The following FN3K variants were observed in gnomAD, a reference collection of about 807,000 sequenced individuals.
FN3K encodes fructosamine-3-kinase.
A neutral mutation model predicts 24.8 loss-of-function variants in FN3K; 24 were observed. The ratio of observed to expected loss-of-function variants is 0.97; its 90% CI spans 0.70 to 1.36. FN3K has a LOEUF of 1.36. Among genes scored for constraint, FN3K ranks in the 40% most tolerant of loss-of-function variants. The pLI is 0.00. For missense variants in FN3K, 449 were observed against 416.7 expected (o/e 1.08, Z -0.67); for synonymous variants, 192 against 175.2 (o/e 1.10, Z -0.76).
At chr17:82,744,745 G>C (rs1179527292) in intron 4 of FN3K, among the ~76,000 whole-genome samples, 2 of 152,158 alleles carry the variant, frequency 1.3e-5, no homozygotes, top group Non-Finnish European at 2.9e-5. Flanking sequence ...GGATGTGTCA[G>C]GGTCACAAGA....
intron 1 of FN3K, 107 bp downstream of exon 1, chr17:82,735,884 C>T: frequency 6.9e-7 from 1 of 1,449,858 alleles, no homozygotes; most frequent in Non-Finnish European, 9.3e-7. Context: ...GGGGAGGGGT[C>T]AGCTTTGGCC....
chr17:82,748,036 A>G (rs1249409569), intron 4 of FN3K, among the ~76,000 whole-genome samples: 3 of 152,104 alleles, frequency 2.0e-5, no homozygotes, highest in Non-Finnish European at 4.4e-5. Context: ...GTAGGCATTT[A>G]GGATTATTAT....
chr17:82,740,548 T>C (rs1360132140), intron 2 of FN3K, among the ~76,000 whole-genome samples: 1 of 151,774 alleles, frequency 6.6e-6, no homozygotes, highest in African/African-American at 2.4e-5. Context: ...GCCATGATTG[T>C]GCCACTGCAC....
In FN3K at chr17:82,743,570, C is replaced by CT. The variant is rs1487884345; in HGVS notation, c.468+2177_468+2178insT. 1.8e-4 allele frequency among the ~76,000 whole-genome samples: 27 copies of CT among 152,262 alleles called. No homozygotes were observed. In the East Asian group the frequency reaches 4.6e-3, roughly 26 times the overall value. Reference sequence around the variant, plus strand: ...CTCCTCAGACACCTGGGCACTAAGGCCCCCTGGGGCTGCCAGCTGGGTCGG... The same window carrying CT: ...CTCCTCAGACACCTGGGCACTAAGGCTCCCCTGGGGCTGCCAGCTGGGTCGG... On this transcript the variant is annotated intron_variant, in intron 4 of 5. Transcript: ENST00000300784.
intron 4 of FN3K, 43 bp from the exon 5 acceptor site, chr17:82,748,812 G>T: frequency 6.2e-7 from 1 of 1,611,578 alleles, no homozygotes; most frequent in Non-Finnish European, 8.5e-7. Flanking sequence ...GGCAGCACTT[G>T]GCTCCGAATT....
intron 5 of FN3K, 133 bp downstream of exon 5, chr17:82,749,110 G>A: frequency 1.1e-5 from 15 of 1,415,828 alleles, no homozygotes; most frequent in South Asian, 1.2e-5. Flanking sequence ...GGGAGGAAGG[G>A]GGGCAGGGGC....
chr17:82,736,036 C>T (rs1007733653), intron 1 of FN3K: 24 of 449,630 alleles, frequency 5.3e-5, no homozygotes, highest in South Asian at 4.7e-4. Flanking sequence ...ATCCAGCAAG[C>T]GTCGGGGGAT....
At chr17:82,737,033 C>T (rs931902495) in intron 1 of FN3K, among the ~76,000 whole-genome samples, 1 of 152,144 alleles carries the variant, frequency 6.6e-6, no homozygotes, top group African/African-American at 2.4e-5. Context: ...AGTTCCTGGC[C>T]TGGTGCATGG....
intron 4 of FN3K, among the ~76,000 whole-genome samples, chr17:82,743,298 G>T (rs2046950953): frequency 6.6e-6 from 1 of 152,232 alleles, no homozygotes; most frequent in Non-Finnish European, 1.5e-5. Flanking sequence ...ACGAGAAGGG[G>T]GCTAGTCTGT....
rs577077275 is a variant in FN3K at position 82,736,868 on chromosome 17, T to G, written c.141+1091T>G. ...TTTGGTTCAGGCTTCCCACGGGCTC[T>G]GGGAAACTTCCTCAGCTGGTCCTGA... On this transcript the variant is annotated intron_variant, in intron 1 of 5. Transcript: ENST00000300784. 5.3e-5 allele frequency among the ~76,000 whole-genome samples: 8 copies of G among 152,350 alleles called. No homozygotes were observed. The East Asian group carries it at 1.5e-3, about 29-fold the overall frequency.
At position 82,750,271 on chromosome 17, in the gene FN3K, G is replaced by A; in HGVS notation, c.592-146G>A. On this transcript the variant is annotated intron_variant, in intron 5 of 5. Transcript: ENST00000300784. ...CAAAGCTAGACTCCCCTGAAGTCAG[G>A]TGGCCCCTATTTCTGGGCTTGGCAG... The A allele has an allele frequency of 4.1e-6, 3 of 729,454 alleles. No homozygotes were observed. The South Asian group carries it at 4.6e-5, about 11-fold the overall frequency. 45.2% of individuals were successfully genotyped at this position (729,454 alleles called of 1,614,324 possible). A position where few individuals can be genotyped will look rare whatever the true frequency, so the allele number is the denominator to read the frequency against.
Position 82,749,595 on chromosome 17 carries a change from C to T in FN3K, c.591+618C>T, listed in dbSNP as rs148273655. 1.8e-3 allele frequency: 310 copies of T among 169,926 alleles called. 1 individual carries two copies. The Middle Eastern group carries it at 0.024, about 13-fold the overall frequency. 10.5% of individuals were successfully genotyped at this position (169,926 alleles called of 1,614,324 possible). On this transcript the variant is annotated intron_variant, in intron 5 of 5. Transcript: ENST00000300784. ...AGGAGAATCACTTGAACCCGGGAGG[C>T]GGAGGCTGCAGTGAGGGGAGATTGC...
At chr17:82,740,736 A>T (rs377202968) in intron 2 of FN3K, 27 bp from the exon 3 acceptor site, 185 of 1,524,048 alleles carry the variant, frequency 1.2e-4, no homozygotes, top group Non-Finnish European at 1.6e-4. Flanking sequence ...TTGTTATTTT[A>T]ATTAGCTGCA....
At chr17:82,740,614 G>T in intron 2 of FN3K, 149 bp from the exon 3 acceptor site, 1 of 614,806 alleles carries the variant, frequency 1.6e-6, no homozygotes. Context: ...AAAAGCAAAA[G>T]AAAGAGTCAT....
Position 82,741,402 on chromosome 17 carries a change from C to G in FN3K, c.468+9C>G. On this transcript the variant is annotated intron_variant, in intron 4 of 5. Transcript: ENST00000300784. The stretch of plus-strand genomic sequence containing the variant: ...GCGGCTTCATCCCGCAGGTGAGTGC[C>G]TGGGTGAGGGTGTTCCCTGATGCCC... 2 of 1,611,924 alleles carry G rather than the reference C, an allele frequency of 1.2e-6. No homozygotes were observed. The highest frequency in any genetic ancestry group is 1.7e-6 in the Non-Finnish European group (2 of 1,178,930).
At chr17:82,740,354 C>T (rs887833969) in intron 2 of FN3K, among the ~76,000 whole-genome samples, 4 of 136,762 alleles carry the variant, frequency 2.9e-5, no homozygotes, top group South Asian at 2.4e-4. Flanking sequence ...CAGTGCTGGG[C>T]GTGGTGGTTC....
At position 82,745,300 on chromosome 17, in the gene FN3K, C is replaced by T. The variant is rs557849855; in HGVS notation, c.469-3555C>T. 2.6e-5 allele frequency: 5 copies of T among 191,924 alleles called. No homozygotes were observed. In the South Asian group the frequency reaches 4.0e-4, roughly 15 times the overall value. 11.9% of individuals were successfully genotyped at this position (191,924 alleles called of 1,614,324 possible). ...CATTTGTTTAACAAAGCACATCTTG[C>T]ACCGCCCTTAATCCATTTAACCCTG... On this transcript the variant is annotated intron_variant, in intron 4 of 5. Coordinates refer to ENST00000300784, the MANE Select transcript of FN3K (RefSeq NM_022158.4).
chr17:82,749,277 C>T (rs543933313), intron 5 of FN3K: 2 of 463,676 alleles, frequency 4.3e-6, no homozygotes, highest in Admixed American at 6.6e-5. Flanking sequence ...ACCATGATTA[C>T]TGTTCTTACT....
At position 82,750,256 on chromosome 17, in the gene FN3K, C is replaced by T. The variant is rs1306781125; in HGVS notation, c.592-161C>T. 2.0e-5 allele frequency among the ~76,000 whole-genome samples: 3 copies of T among 152,200 alleles called. No individual in the cohort carries two copies. In the East Asian group the frequency reaches 5.8e-4, roughly 29 times the overall value. On this transcript the variant is annotated intron_variant, in intron 5 of 5. Coordinates refer to ENST00000300784, the MANE Select transcript of FN3K (RefSeq NM_022158.4). ...AAATCCTAAGTTAGACAAAGCTAGACTCCCCTGAAGTCAGGTGGCCCCTAT... is the reference window on the plus strand; with the variant it reads ...AAATCCTAAGTTAGACAAAGCTAGATTCCCCTGAAGTCAGGTGGCCCCTAT...
Sources: allele counts gnomAD v4.1 joint callset (sites outside exome capture counted in the v4.1 genomes callset), GRCh38; gene constraint gnomAD v4.1.1; transcripts MANE v1.5; gene names NCBI Gene and HGNC (gene_info 2026-07-23, HGNC 2026-07-21).